Variants in POFUT3 observed in about 807,000 individuals in gnomAD.
POFUT3 encodes the protein protein O-fucosyltransferase 3.
At chr8:33,385,779 G>A in the POFUT3 span, among the ~76,000 whole-genome samples, 8 of 152,242 alleles carry the variant, frequency 5.3e-5, no homozygotes, top group South Asian at 1.0e-3. Flanking sequence ...AGCTTCTTAG[G>A]AGGCTGAGGC....
the POFUT3 span, among the ~76,000 whole-genome samples, chr8:33,449,342 T>G: frequency 4.9e-5 from 6 of 123,076 alleles, no homozygotes. Flanking sequence ...CAGGCTGGAG[T>G]GCAATGACAC....
the POFUT3 span, among the ~76,000 whole-genome samples, chr8:33,315,852 T>C: frequency 2.0e-5 from 3 of 152,210 alleles, no homozygotes; most frequent in Non-Finnish European, 4.4e-5. Flanking sequence ...ACTGCCTTCA[T>C]GACGGATCAT....
the POFUT3 span, among the ~76,000 whole-genome samples, chr8:33,348,768 G>T: frequency 2.6e-5 from 4 of 152,180 alleles, no homozygotes; most frequent in African/African-American, 9.7e-5. Context: ...AAGGGAGCAT[G>T]GAGTGTTTAG....
chr8:33,368,949 C>T, the POFUT3 span, among the ~76,000 whole-genome samples: 2 of 152,192 alleles, frequency 1.3e-5, no homozygotes, highest in Non-Finnish European at 2.9e-5. Flanking sequence ...AAGCCCTACT[C>T]AAAACCCTTC....
At chr8:33,405,673 A>C in the POFUT3 span, among the ~76,000 whole-genome samples, 3 of 152,200 alleles carry the variant, frequency 2.0e-5, no homozygotes, top group Non-Finnish European at 2.9e-5. Flanking sequence ...ATTATATAGA[A>C]ACATCTTATC....
chr8:33,317,271 T>C, the POFUT3 span, among the ~76,000 whole-genome samples: 1 of 152,146 alleles, frequency 6.6e-6, no homozygotes, highest in Non-Finnish European at 1.5e-5. Flanking sequence ...GAGAAAATAC[T>C]GTCCACTGGC....
chr8:33,449,049 G>A, the POFUT3 span, among the ~76,000 whole-genome samples: 12 of 152,196 alleles, frequency 7.9e-5, no homozygotes, highest in East Asian at 3.9e-4. Context: ...GTTGTCTATC[G>A]TGAACTCTAC....
the POFUT3 span, among the ~76,000 whole-genome samples, chr8:33,387,630 C>G: frequency 6.6e-6 from 1 of 152,036 alleles, no homozygotes; most frequent in East Asian, 1.9e-4. Context: ...ATGGTGAAAC[C>G]CCGTCTCTAC....
At chr8:33,429,061 G>C in the POFUT3 span, among the ~76,000 whole-genome samples, 163 of 152,212 alleles carry the variant, frequency 1.1e-3, 2 homozygotes, top group South Asian at 0.032. Flanking sequence ...CCCTGCCCCA[G>C]GCAATATGTT....
At chr8:33,445,828 C>T in the POFUT3 span, among the ~76,000 whole-genome samples, 4 of 152,008 alleles carry the variant, frequency 2.6e-5, no homozygotes, top group Non-Finnish European at 5.9e-5. Flanking sequence ...ATGCAGCTTC[C>T]TAGGAAAAGA....
the POFUT3 span, among the ~76,000 whole-genome samples, chr8:33,449,195 ATGCTCTGTGGGCAC>A: frequency 6.6e-6 from 1 of 151,972 alleles, no homozygotes; most frequent in African/African-American, 2.4e-5. Flanking sequence ...GACATACAAA[ATGCTCTGTGGGCAC>A]TGAGAGAAGA....
chr8:33,384,481 T>C, the POFUT3 span, among the ~76,000 whole-genome samples: 5,827 of 152,194 alleles, frequency 0.038, 363 homozygotes, highest in African/African-American at 0.13. Context: ...GGGAACTTCC[T>C]TGTCCCCCAT....
the POFUT3 span, chr8:33,453,320 G>A: frequency 3.4e-5 from 55 of 1,614,052 alleles, no homozygotes; most frequent in East Asian, 4.2e-4. Context: ...AGTCTCCCCC[G>A]TCAGCGGGGA....
the POFUT3 span, among the ~76,000 whole-genome samples, chr8:33,324,430 T>A: frequency 6.6e-6 from 1 of 152,138 alleles, no homozygotes; most frequent in Non-Finnish European, 1.5e-5. Flanking sequence ...TTTGTACATG[T>A]AAGATAATCT....
At chr8:33,448,187 T>A in the POFUT3 span, among the ~76,000 whole-genome samples, 415 of 149,842 alleles carry the variant, frequency 2.8e-3, 2 homozygotes, top group Non-Finnish European at 5.2e-3. Flanking sequence ...CAAAAAAAAA[T>A]TTTTTTTTAT....
chr8:33,316,443 A>C, the POFUT3 span, among the ~76,000 whole-genome samples: 2 of 151,974 alleles, frequency 1.3e-5, no homozygotes, highest in Non-Finnish European at 2.9e-5. Context: ...AATTTTAGCC[A>C]GGCACGGTGG....
At chr8:33,321,569 C>T in the POFUT3 span, among the ~76,000 whole-genome samples, 18 of 152,164 alleles carry the variant, frequency 1.2e-4, no homozygotes, top group Admixed American at 5.2e-4. Context: ...AAGATGCTCT[C>T]GAAAGTCCCA....
the POFUT3 span, among the ~76,000 whole-genome samples, chr8:33,366,521 A>G: frequency 6.6e-6 from 1 of 152,212 alleles, no homozygotes. Flanking sequence ...ACAAATGATA[A>G]ACAAACTAAA....
chr8:33,355,969 A>G, the POFUT3 span, among the ~76,000 whole-genome samples: 3 of 152,012 alleles, frequency 2.0e-5, no homozygotes, highest in South Asian at 2.1e-4. Flanking sequence ...ATGATTTCCA[A>G]TTTCATCCAT....
Sources: gnomAD v4.1 joint callset for allele counts (sites outside exome capture counted in the v4.1 genomes callset) on GRCh38, gnomAD v4.1.1 for gene constraint, MANE v1.5 for transcripts, NCBI Gene and HGNC (gene_info 2026-07-23, HGNC 2026-07-21) for gene names.